The following ZNF48 variants were observed in gnomAD, a reference collection of about 807,000 sequenced individuals.
ZNF48 encodes zinc finger protein 553.
A neutral mutation model predicts 40.0 loss-of-function variants in ZNF48; 20 were observed. The ratio of observed to expected loss-of-function variants is 0.50; its 90% CI spans 0.35 to 0.73. The LOEUF is 0.73. ZNF48 is among the 30% of genes least tolerant of loss of function. The pLI is 0.01. For missense variants in ZNF48, 726 were observed against 851.9 expected (o/e 0.85, Z 1.84); for synonymous variants, 298 against 329.7 (o/e 0.90, Z 1.04).
rs1179602139 is a variant in ZNF48 at position 30,382,613 on chromosome 16, G to C, written c.-16+4203G>C. ...GCTGAGTGCGGCTAACAAGGGGGCG[G>C]GCAGAAGAGGCAGCTGAGATGCTCA... On this transcript the variant is annotated intron_variant, in intron 1 of 2. Transcript: ENST00000528032. This position sits in a 1 kb window ranked among gnomAD's most constrained non-coding sequence, Gnocchi z 4.8. 1 of 1,549,492 alleles carries C rather than the reference G, an allele frequency of 6.5e-7. No homozygotes were observed.
Position 30,398,631 on chromosome 16 carries a change from C to T in ZNF48, c.1381C>T (p.Arg461Cys), listed in dbSNP as rs767025630. ...HKCPECGKGFRRSSDLVKHHR... is the reference protein window; with the variant it reads ...HKCPECGKGFCRSSDLVKHHR... ...GTGCCCTGAGTGTGGCAAGGGCTTC[C>T]GCCGAAGCTCTGACCTGGTGAAACA... Residue 461 changes from arginine to cysteine, a missense_variant, in exon 3 of 3, where the codon CGC becomes TGC. Coordinates refer to ENST00000613509, the MANE Select transcript of ZNF48 (RefSeq NM_001214909.2). This position sits in a 1 kb window ranked among gnomAD's most constrained non-coding sequence, Gnocchi z 6.6. 3.1e-6 allele frequency: 5 copies of T among 1,611,716 alleles called. No homozygotes were observed. The highest frequency in any genetic ancestry group is 2.2e-5 in the East Asian group (1 of 44,650).
chr16:30,390,600 G>GTTTTT (rs1567430629), upstream of ZNF48, among the ~76,000 whole-genome samples: 1 of 103,780 alleles, frequency 9.6e-6, no homozygotes, highest in Non-Finnish European at 1.9e-5. Context: ...AGTAGAGACG[G>GTTTTT]GTTTTTTTTT....
chr16:30,391,842 G>GTTTT (rs2049944634), upstream of ZNF48, among the ~76,000 whole-genome samples: 1 of 146,948 alleles, frequency 6.8e-6, no homozygotes, highest in Non-Finnish European at 1.5e-5. Context: ...TTTTTTTGGC[G>GTTTT]GGGGGGTGGG....
chr16:30,391,535 G>GGT (rs2049942727), upstream of ZNF48, among the ~76,000 whole-genome samples: 1 of 147,264 alleles, frequency 6.8e-6, no homozygotes. Context: ...TTGTTCTGTT[G>GGT]CCCAGAACGG....
chr16:30,382,032 A>G lies in ZNF48; in HGVS notation c.-16+3622A>G. 1.3e-6 allele frequency: 2 copies of G among 1,594,462 alleles called. No homozygotes were observed. Among genetic ancestry groups the G allele is most frequent in the Non-Finnish European group, 1.7e-6 (2 of 1,167,206 alleles). On this transcript the variant is annotated intron_variant, in intron 1 of 2. Coordinates refer to the ZNF48 transcript ENST00000528032. The surrounding 1 kb of genome is among the most constrained non-coding windows in gnomAD (Gnocchi z 4.8). ...CAACTACCTGAGTCCCCAGATGGAA[A>G]AGACTAGGGTGTAACCTGGGGACAG...
At position 30,382,266 on chromosome 16, in the gene ZNF48, C is replaced by T; in HGVS notation, c.-16+3856C>T. On this transcript the variant is annotated intron_variant, in intron 1 of 2. Coordinates refer to the ZNF48 transcript ENST00000528032. This position sits in a 1 kb window ranked among gnomAD's most constrained non-coding sequence, Gnocchi z 4.8. ...CCCCTCCGCAGTTCCCTCTCCAAAA[C>T]CCCCAGACCTGCCACCATTAGCGTG... 1 of 1,613,344 alleles carries T rather than the reference C, an allele frequency of 6.2e-7. No individual in the cohort carries two copies. The highest frequency in any genetic ancestry group is 8.5e-7 in the Non-Finnish European group (1 of 1,179,464).
Position 30,395,687 on chromosome 16 carries a change from G to C in ZNF48, c.-15-93G>C. The stretch of plus-strand genomic sequence containing the variant: ...CCGTACCTGGGACCCGACGCCGCCC[G>C]GTGCCCGCGCTGGCCGGCAGAGGGC... On this transcript the variant is annotated intron_variant, in intron 1 of 2. Transcript: ENST00000613509. This position sits in a 1 kb window ranked among gnomAD's most constrained non-coding sequence, Gnocchi z 5.9. 6 of 1,110,182 alleles carry C rather than the reference G, an allele frequency of 5.4e-6. No individual in the cohort carries two copies. The highest frequency in any genetic ancestry group is 6.8e-6 in the Non-Finnish European group (6 of 882,646). The allele number at this position is 1,110,182 out of a possible 1,614,324, so 68.8% of individuals were successfully genotyped here. A position where few individuals can be genotyped will look rare whatever the true frequency, so the allele number is the denominator to read the frequency against.
rs1006260359 is a variant in ZNF48 at position 30,395,739 on chromosome 16, T to C, written c.-15-41T>C. ...GCGGCAGGGCGCCGCGGGCCACACA[T>C]GGCTGCGTGACCGCGGGATGCTGTC... is the stretch of plus-strand genomic sequence containing the variant. On this transcript the variant is annotated intron_variant, in intron 1 of 2. Coordinates refer to ENST00000613509, the MANE Select transcript of ZNF48 (RefSeq NM_001214909.2). This position sits in a 1 kb window ranked among gnomAD's most constrained non-coding sequence, Gnocchi z 5.9. 96 of 1,425,152 alleles carry C rather than the reference T, an allele frequency of 6.7e-5. No individual in the cohort carries two copies. Among genetic ancestry groups the C allele is most frequent in the Non-Finnish European group, 8.3e-5 (90 of 1,080,272 alleles). 88.3% of individuals were successfully genotyped at this position (1,425,152 alleles called of 1,614,324 possible).
rs2049997878 is a variant in ZNF48, at chr16:30,397,487, G to T, written c.237G>T (p.Trp79Cys). The change falls in exon 3 of 3, where the codon TGG becomes TGT. Residue 79 changes from tryptophan to cysteine, a missense_variant. By Grantham distance (215) the Trp-to-Cys change is radical. This residue lies in a region of ZNF48 where 151 missense variants were observed against 162.3 expected (regional missense o/e 0.93). Transcript: ENST00000613509. The surrounding 1 kb of genome is among the most constrained non-coding windows in gnomAD (Gnocchi z 4.1). Reference protein sequence around the residue: ...PEGIQNWDDLWVQREGLGKPQ... With the variant: ...PEGIQNWDDLCVQREGLGKPQ... ...GCATCCAGAACTGGGATGACTTATG[G>T]GTCCAGAGAGAGGGTCTAGGAAAGC... is the stretch of plus-strand genomic sequence containing the variant. The T allele has an allele frequency of 1.1e-5, 17 of 1,614,106 alleles. No individual in the cohort carries two copies. The highest frequency in any genetic ancestry group is 1.4e-5 in the Non-Finnish European group (16 of 1,180,004).
At chr16:30,380,889 C>T in intron 1 of ZNF48, 1 of 570,702 alleles carries the variant, frequency 1.8e-6, no homozygotes, top group South Asian at 2.0e-5. Flanking sequence ...GTCTATGCTC[C>T]TGCCCTCAAA....
At chr16:30,378,511 T>G in intron 1 of ZNF48, 1 of 1,582,270 alleles carries the variant, frequency 6.3e-7, no homozygotes, top group East Asian at 2.3e-5. Context: ...ATCTCTTGCA[T>G]GCGGCGCAGC....
At position 30,397,949 on chromosome 16, in the gene ZNF48, C is replaced by T. The variant is rs766787192; in HGVS notation, c.699C>T (p.Ser233=). 36 of 1,612,814 alleles carry T rather than the reference C, an allele frequency of 2.2e-5. No homozygotes were observed. The highest frequency in any genetic ancestry group is 1.7e-4 in the Middle Eastern group (1 of 6,058). ...GTGGCAAGGGCTTTGGCGACAGTTC[C>T]GCCCGCATCAAGCACCAGCGGACAC... The part of the protein sequence containing the change: ...GICGKGFGDS[S]ARIKHQRTHR... The change falls in exon 3 of 3, where the codon TCC becomes TCT. Residue 233 remains serine, a synonymous_variant. Transcript: ENST00000613509. The surrounding 1 kb of genome is among the most constrained non-coding windows in gnomAD (Gnocchi z 4.1).
At chr16:30,388,999 G>A (rs368355051) in intron 1 of ZNF48, among the ~76,000 whole-genome samples, 1 of 152,200 alleles carries the variant, frequency 6.6e-6, no homozygotes, top group Non-Finnish European at 1.5e-5. Context: ...GGTGGCTCAC[G>A]CCTGTAATCC....
At chr16:30,392,453 A>G (rs2049950367), upstream of ZNF48, among the ~76,000 whole-genome samples, 1 of 152,114 alleles carries the variant, frequency 6.6e-6, no homozygotes, top group Non-Finnish European at 1.5e-5. Context: ...TGCCTGGCCC[A>G]TATTAGGTTT....
rs2050007240 is a variant in ZNF48, at chr16:30,398,121, C to G, written c.871C>G (p.Leu291Val). Residue 291 changes from leucine (L) to valine (V), a missense_variant, in exon 3 of 3, where the codon CTG becomes GTG. Around this residue, in one of 5 missense-constraint regions of ZNF48, gnomAD observed 378 missense variants for 449.1 expected, o/e 0.84. Transcript: ENST00000613509. The surrounding 1 kb of genome is among the most constrained non-coding windows in gnomAD (Gnocchi z 6.6). ...GAGGTTTGTGCTCAGCTGCAGCCTC[C>G]TGAGTCACCAGCGTAGTCACTTGGG... The part of the protein sequence containing the change: ...GKRFVLSCSL[L>V]SHQRSHLGPK... 2 of 1,613,698 alleles carry G rather than the reference C, an allele frequency of 1.2e-6. No homozygotes were observed. The highest frequency in any genetic ancestry group is 1.7e-6 in the Non-Finnish European group (2 of 1,179,722).
chr16:30,378,456 C>A (rs751185887), intron 1 of ZNF48: 2 of 1,574,798 alleles, frequency 1.3e-6, no homozygotes, highest in Non-Finnish European at 1.7e-6. Flanking sequence ...TGACTGCTCG[C>A]CCTGGGCCTG....
chr16:30,388,138 T>A lies in ZNF48; in HGVS notation c.-15-7642T>A, dbSNP rs183642495. ...GGCATGCACCACCACGCTTGGCTAA[T>A]TTTTTTTGTATTTTTAGTAGAGATG... On this transcript the variant is annotated intron_variant, in intron 1 of 2. Coordinates refer to the ZNF48 transcript ENST00000528032. Among the ~76,000 whole-genome samples the A allele has an allele frequency of 1.5e-3, 221 of 151,758 alleles. 1 individual carries two copies. Among genetic ancestry groups the A allele is most frequent in the African/African-American group, 4.6e-3 (192 of 41,396 alleles).
Position 30,381,514 on chromosome 16 carries a change from C to T in ZNF48, c.-16+3104C>T. 1 of 1,611,504 alleles carries T rather than the reference C, an allele frequency of 6.2e-7. No homozygotes were observed. Among genetic ancestry groups the T allele is most frequent in the Middle Eastern group, 1.7e-4 (1 of 5,820 alleles). On this transcript the variant is annotated intron_variant, in intron 1 of 2. Coordinates refer to the ZNF48 transcript ENST00000528032. The surrounding 1 kb of genome is among the most constrained non-coding windows in gnomAD (Gnocchi z 4.3). ...GGATGTGAGGTCAGAGATCAAAGGC[C>T]AGAGGGCAGGGGGCAAGGCTAGCCA...
Position 30,397,995 on chromosome 16 carries a change from C to G in ZNF48, c.745C>G (p.Arg249Gly). 1.2e-6 allele frequency: 2 copies of G among 1,613,566 alleles called. No individual in the cohort carries two copies. Among genetic ancestry groups the G allele is most frequent in the Non-Finnish European group, 1.7e-6 (2 of 1,179,810 alleles). ...GACACACCGGGGGGAGCAGCCCCCCCGACCAGTGGTGCCCCGACGGCAGCC... is the reference window on the plus strand; with the variant it reads ...GACACACCGGGGGGAGCAGCCCCCCGGACCAGTGGTGCCCCGACGGCAGCC... Reference protein sequence around the residue: ...QRTHRGEQPPRPVVPRRQPSR... With the variant: ...QRTHRGEQPPGPVVPRRQPSR... Residue 249 changes from arginine (R) to glycine (G), a missense_variant, in exon 3 of 3, where the codon CGA becomes GGA. Around this residue, in one of 5 missense-constraint regions of ZNF48, gnomAD observed 378 missense variants for 449.1 expected, o/e 0.84. Transcript: ENST00000613509. This position sits in a 1 kb window ranked among gnomAD's most constrained non-coding sequence, Gnocchi z 4.1.
Sources: allele counts gnomAD v4.1 joint callset (sites outside exome capture counted in the v4.1 genomes callset), GRCh38; gene constraint gnomAD v4.1.1; regional missense constraint gnomAD v4.1.1; non-coding constraint Gnocchi (gnomAD v3.1); transcripts MANE v1.5; gene names NCBI Gene and HGNC (gene_info 2026-07-23, HGNC 2026-07-21).